SYN2: variants seen among roughly 807,000 people sequenced by gnomAD.
The protein encoded by SYN2 is synapsin II, also known as synapsin-2.
Under a neutral mutation model 50.9 loss-of-function variants are expected in SYN2, and 19 were observed. That is an observed-to-expected ratio of 0.37 (90% CI 0.26 to 0.55). SYN2 has a LOEUF of 0.55. SYN2 is among the 20% of genes least tolerant of loss of function. SYN2 has a pLI of 0.81. For missense variants in SYN2, 587 were observed against 576.4 expected, an observed-to-expected ratio of 1.02 and a Z score of -0.19; for synonymous variants, 255 against 224.9, an observed-to-expected ratio of 1.13 and a Z score of -1.20.
At chr3:12,163,518 CAT>C (rs1697708193) in intron 7 of SYN2, among the ~76,000 whole-genome samples, 2 of 152,040 alleles carry the variant, frequency 1.3e-5, no homozygotes, top group African/African-American at 4.8e-5. Context: ...ACTTGCCACA[CAT>C]GTGTTTTGTG....
At position 12,004,908 on chromosome 3, in the gene SYN2, C is replaced by A; in HGVS notation, c.357C>A (p.Val119=). 1.7e-6 allele frequency: 1 copy of A among 576,386 alleles called. No individual in the cohort carries two copies. Among genetic ancestry groups the A allele is most frequent in the Non-Finnish European group, 3.1e-6 (1 of 322,950 alleles). The allele number at this position is 576,386 out of a possible 1,614,324, so 35.7% of individuals were successfully genotyped here. A position where few individuals can be genotyped will look rare whatever the true frequency, so the allele number is the denominator to read the frequency against. Reference sequence around the variant, plus strand: ...GGAAGGCCAAGGTGCTGCTGGTGGTCGACGAGCCGCACGCCGACTGGTAGG... The same window carrying A: ...GGAAGGCCAAGGTGCTGCTGGTGGTAGACGAGCCGCACGCCGACTGGTAGG... The part of the protein sequence containing the change: ...AARKAKVLLV[V]DEPHADWAKC... Residue 119 remains valine (V), a synonymous_variant, in exon 1 of 13, where the codon GTC becomes GTA. Transcript: ENST00000621198.
intron 1 of SYN2, among the ~76,000 whole-genome samples, chr3:12,104,570 C>CTTTTTTTTTTTTTTTT (rs796837275): frequency 6.1e-5 from 5 of 81,716 alleles, no homozygotes; most frequent in African/African-American, 1.0e-4. Context: ...CTTTTCTTTT[C>CTTTTTTTTTTTTTTTT]TTTTTTTTTT....
chr3:12,158,626 T>C (rs1487676796), intron 5 of SYN2: 43 of 1,574,022 alleles, frequency 2.7e-5, no homozygotes, highest in Non-Finnish European at 6.0e-6. Context: ...TCCTCTGGAC[T>C]CCTGGTGTAC....
chr3:12,152,625 T>G (rs1431218826), intron 5 of SYN2, among the ~76,000 whole-genome samples: 1 of 152,190 alleles, frequency 6.6e-6, no homozygotes, highest in Non-Finnish European at 1.5e-5. Context: ...CGGTGCTCTA[T>G]CCTGAAATTT....
intron 11 of SYN2, chr3:12,183,584 T>C (rs1450718951): frequency 1.6e-5 from 24 of 1,488,648 alleles, no homozygotes; most frequent in East Asian, 1.2e-4. Flanking sequence ...TCCTATGCAG[T>C]GTCAGCTCCT....
At chr3:12,110,897 G>A (rs566109549) in intron 1 of SYN2, among the ~76,000 whole-genome samples, 1 of 152,304 alleles carries the variant, frequency 6.6e-6, no homozygotes, top group South Asian at 2.1e-4. Context: ...GATTTTATAG[G>A]CTCCTAGCCA....
chr3:12,039,726 T>C (rs1337277710), intron 1 of SYN2, among the ~76,000 whole-genome samples: 1 of 152,182 alleles, frequency 6.6e-6, no homozygotes. Flanking sequence ...GGTCCTCTCA[T>C]GGATATGATC....
intron 1 of SYN2, among the ~76,000 whole-genome samples, chr3:12,112,816 T>TA (rs1345394899): frequency 2.6e-5 from 4 of 151,948 alleles, no homozygotes; most frequent in Admixed American, 6.6e-5. Flanking sequence ...AGTGCACTTT[T>TA]AAAAAAAATA....
At position 12,135,198 on chromosome 3, in the gene SYN2, T is replaced by C. The variant is rs534698053; in HGVS notation, c.378-5453T>C. 2.6e-5 allele frequency among the ~76,000 whole-genome samples: 4 copies of C among 152,312 alleles called. No individual in the cohort carries two copies. In the East Asian group the frequency reaches 5.8e-4, roughly 22 times the overall value. ...AGTGAGTGGTGAGCTGTGACTGCAATCAGCTGCAGTACTCATCTTGCCAGT... is the reference window on the plus strand; with the variant it reads ...AGTGAGTGGTGAGCTGTGACTGCAACCAGCTGCAGTACTCATCTTGCCAGT... On this transcript the variant is annotated intron_variant, in intron 1 of 12. Coordinates refer to ENST00000621198, the MANE Select transcript of SYN2 (RefSeq NM_133625.6).
intron 3 of SYN2, among the ~76,000 whole-genome samples, chr3:12,144,581 A>C (rs141351854): frequency 2.2e-3 from 335 of 152,346 alleles, no homozygotes; most frequent in African/African-American, 7.6e-3. Context: ...TCATGAAGTC[A>C]AGGAAAAATA....
intron 1 of SYN2, among the ~76,000 whole-genome samples, chr3:12,060,493 G>A (rs1304621650): frequency 6.6e-6 from 1 of 152,166 alleles, no homozygotes; most frequent in African/African-American, 2.4e-5. Flanking sequence ...TCGTGAAGGT[G>A]ACAGGCCCAC....
rs531340673 is a variant in SYN2, at chr3:12,038,491, A to C, written c.377+33563A>C. Among the ~76,000 whole-genome samples, 7 of 152,304 alleles carry C rather than the reference A, an allele frequency of 4.6e-5. 1 individual carries two copies. Among genetic ancestry groups the C allele is most frequent in the African/African-American group, 1.7e-4 (7 of 41,576 alleles). On this transcript the variant is annotated intron_variant, in intron 1 of 12. Coordinates refer to ENST00000621198, the MANE Select transcript of SYN2 (RefSeq NM_133625.6). ...CAGCTGAAATTTTGATAGGGATTTAATTGATAGATTAATTTGGAGATATTG... is the reference window on the plus strand; with the variant it reads ...CAGCTGAAATTTTGATAGGGATTTACTTGATAGATTAATTTGGAGATATTG...
At chr3:12,134,040 ACG>A (rs1696843702) in intron 1 of SYN2, among the ~76,000 whole-genome samples, 1 of 152,234 alleles carries the variant, frequency 6.6e-6, no homozygotes, top group African/African-American at 2.4e-5. Context: ...TGGTGGTTGC[ACG>A]ACATTGTGAA....
intron 1 of SYN2, among the ~76,000 whole-genome samples, chr3:12,023,526 A>G (rs1694190842): frequency 6.6e-6 from 1 of 152,348 alleles, no homozygotes; most frequent in Admixed American, 6.5e-5. Context: ...ACTGTGGACC[A>G]TGTTCAGAGT....
intron 1 of SYN2, chr3:12,070,338 C>T (rs1322379941): frequency 3.9e-6 from 2 of 506,792 alleles, no homozygotes; most frequent in East Asian, 9.8e-5. Flanking sequence ...TTAGGCGCCC[C>T]TGGCACCAGG....
chr3:12,184,660 T>C, intron 11 of SYN2: 1 of 985,948 alleles, frequency 1.0e-6, no homozygotes, highest in Non-Finnish European at 1.2e-6. Context: ...GTGTGTGTTT[T>C]GGACAGAGGC....
At chr3:12,113,132 C>T (rs964770999) in intron 1 of SYN2, among the ~76,000 whole-genome samples, 1 of 152,148 alleles carries the variant, frequency 6.6e-6, no homozygotes, top group African/African-American at 2.4e-5. Flanking sequence ...ATTCTCTTCT[C>T]TGTTCTGTGC....
rs56180253 is a variant in SYN2 at position 12,153,000 on chromosome 3, A to G, written c.774+1674A>G. 3.3e-3 allele frequency: 674 copies of G among 202,842 alleles called. 24 individuals carry two copies. In the East Asian group the frequency reaches 0.064, roughly 19 times the overall value. 12.6% of individuals were successfully genotyped at this position (202,842 alleles called of 1,614,324 possible). On this transcript the variant is annotated intron_variant, in intron 5 of 12. Coordinates refer to ENST00000621198, the MANE Select transcript of SYN2 (RefSeq NM_133625.6). ...TCTCCCAAATGACTCCCCCAAACAG[A>G]TGAAAGTGTATCAGAGGATTAGGAT...
chr3:12,158,125 G>C (rs1686710355), intron 5 of SYN2, among the ~76,000 whole-genome samples: 1 of 152,184 alleles, frequency 6.6e-6, no homozygotes, highest in Admixed American at 6.5e-5. Context: ...GGAGCGCTAA[G>C]ACGGTTAGAG....
Sources: allele counts gnomAD v4.1 joint callset (sites outside exome capture counted in the v4.1 genomes callset), GRCh38; gene constraint gnomAD v4.1.1; transcripts MANE v1.5; gene names NCBI Gene and HGNC (gene_info 2026-07-23, HGNC 2026-07-21).